The following PTPRD variants were observed in gnomAD, a reference collection of about 807,000 sequenced individuals.
PTPRD encodes receptor-type tyrosine-protein phosphatase delta.
Under a neutral mutation model 214.5 loss-of-function variants are expected in PTPRD, and 34 were observed. The observed-to-expected ratio is 0.16, with a 90% CI of 0.12 to 0.21. PTPRD has a LOEUF of 0.21. Among genes scored for constraint, PTPRD ranks in the 10% least tolerant of loss-of-function variants. PTPRD has a pLI of 1.00. For missense variants in PTPRD, 2,545 were observed against 2,398.7 expected (o/e 1.06, Z -1.27); for synonymous variants, 1,128 against 845.7 (o/e 1.33, Z -5.79).
intron 39 of PTPRD, 54 bp downstream of exon 39, chr9:8,375,882 G>T (rs776079309): frequency 3.8e-6 from 6 of 1,570,484 alleles, no homozygotes; most frequent in Non-Finnish European, 3.5e-6. Context: ...AACATCCAAT[G>T]AGAGTCAATT....
intron 8 of PTPRD, among the ~76,000 whole-genome samples, chr9:9,469,659 A>G (rs533496086): frequency 1.1e-4 from 16 of 152,350 alleles, no homozygotes; most frequent in African/African-American, 3.8e-4. Flanking sequence ...GTGGATGTGC[A>G]GTAGAGAAAA....
At chr9:9,725,827 T>C (rs1289441181) in intron 7 of PTPRD, among the ~76,000 whole-genome samples, 1 of 152,176 alleles carries the variant, frequency 6.6e-6, no homozygotes, top group African/African-American at 2.4e-5. Context: ...AAGAGAATTC[T>C]TCTTTCAAGA....
intron 3 of PTPRD, among the ~76,000 whole-genome samples, chr9:10,313,785 A>T (rs1214696398): frequency 6.6e-6 from 1 of 151,962 alleles, no homozygotes; most frequent in Non-Finnish European, 1.5e-5. Flanking sequence ...TAGCTAAACT[A>T]ACACCGCCTG....
At chr9:10,133,155 C>A (rs768839178) in intron 3 of PTPRD, among the ~76,000 whole-genome samples, 2 of 152,110 alleles carry the variant, frequency 1.3e-5, no homozygotes, top group Non-Finnish European at 2.9e-5. Flanking sequence ...AGTTGATAAC[C>A]TAGAACATGT....
chr9:9,861,038 A>G (rs575940001), intron 5 of PTPRD, among the ~76,000 whole-genome samples: 1 of 152,170 alleles, frequency 6.6e-6, no homozygotes, highest in South Asian at 2.1e-4. Flanking sequence ...TTAGGCAATT[A>G]TTTTTTAAAA....
intron 5 of PTPRD, among the ~76,000 whole-genome samples, chr9:9,879,346 A>T (rs1220277544): frequency 6.6e-6 from 1 of 152,076 alleles, no homozygotes; most frequent in African/African-American, 2.4e-5. Flanking sequence ...CTTCACTCCC[A>T]CTTGTGATGA....
At chr9:9,250,446 G>A (rs2099975017) in intron 9 of PTPRD, among the ~76,000 whole-genome samples, 2 of 152,062 alleles carry the variant, frequency 1.3e-5, no homozygotes, top group African/African-American at 4.8e-5. Context: ...ATAGTTAGGT[G>A]AGACAAGGAA....
At chr9:9,942,753 TTGTG>T (rs760150853) in intron 4 of PTPRD, among the ~76,000 whole-genome samples, 36 of 152,158 alleles carry the variant, frequency 2.4e-4, no homozygotes, top group Non-Finnish European at 4.4e-4. Context: ...TTAAAGACAT[TTGTG>T]TGTATTTTTC....
At chr9:10,206,833 A>T (rs1389076133) in intron 3 of PTPRD, among the ~76,000 whole-genome samples, 1 of 152,162 alleles carries the variant, frequency 6.6e-6, no homozygotes, top group Non-Finnish European at 1.5e-5. Flanking sequence ...AAGTAACAGG[A>T]ATAGAAAAAT....
intron 3 of PTPRD, among the ~76,000 whole-genome samples, chr9:10,167,955 T>C (rs1361065142): frequency 6.6e-6 from 1 of 152,208 alleles, no homozygotes; most frequent in Non-Finnish European, 1.5e-5. Context: ...CATTGCAACT[T>C]GAGTTTCAAT....
chr9:9,376,905 G>A (rs965096606), intron 9 of PTPRD, among the ~76,000 whole-genome samples: 3 of 151,460 alleles, frequency 2.0e-5, no homozygotes, highest in Non-Finnish European at 4.4e-5. Context: ...TAGACACTAA[G>A]AAAATTCCAA....
chr9:10,210,646 T>TAAAC (rs1289210682), intron 3 of PTPRD, among the ~76,000 whole-genome samples: 2 of 150,342 alleles, frequency 1.3e-5, no homozygotes, highest in Non-Finnish European at 3.0e-5. Context: ...TATATACATA[T>TAAAC]ATATACACAC....
intron 7 of PTPRD, among the ~76,000 whole-genome samples, chr9:9,594,312 T>C (rs993398327): frequency 1.3e-5 from 2 of 152,042 alleles, no homozygotes; most frequent in Non-Finnish European, 2.9e-5. Flanking sequence ...TCTTATGGCA[T>C]TTGCTTTTGG....
At chr9:9,989,430 G>C (rs2095837256) in intron 4 of PTPRD, among the ~76,000 whole-genome samples, 2 of 152,256 alleles carry the variant, frequency 1.3e-5, no homozygotes, top group Non-Finnish European at 1.5e-5. Context: ...GAAGCAGCTG[G>C]ATGTTGGAGA....
chr9:9,450,614 T>C (rs1328221819), intron 8 of PTPRD, among the ~76,000 whole-genome samples: 1 of 151,892 alleles, frequency 6.6e-6, no homozygotes, highest in African/African-American at 2.4e-5. Flanking sequence ...TCTGATTCAG[T>C]AAATATAGCA....
intron 43 of PTPRD, among the ~76,000 whole-genome samples, chr9:8,332,194 A>AATATTTAT (rs1842134793): frequency 6.6e-6 from 1 of 152,130 alleles, no homozygotes; most frequent in Non-Finnish European, 1.5e-5. Flanking sequence ...TAGGCATGTC[A>AATATTTAT]TCCAGACCAG....
intron 5 of PTPRD, among the ~76,000 whole-genome samples, chr9:9,768,556 CA>C (rs2098725059): frequency 6.6e-6 from 1 of 151,886 alleles, no homozygotes; most frequent in African/African-American, 2.4e-5. Flanking sequence ...TCAGAGAAAT[CA>C]AAGTAAAAAT....
chr9:8,654,939 A>C (rs1376671260), intron 12 of PTPRD, among the ~76,000 whole-genome samples: 2 of 152,142 alleles, frequency 1.3e-5, no homozygotes, highest in East Asian at 1.9e-4. Context: ...TAGCATCTTC[A>C]TCAATCTTTC....
chr9:10,556,861 A>G (rs552866558), intron 2 of PTPRD, among the ~76,000 whole-genome samples: 1 of 152,296 alleles, frequency 6.6e-6, no homozygotes, highest in Admixed American at 6.5e-5. Flanking sequence ...GTGATTTGCT[A>G]TCCAATACAA....
Sources: allele counts gnomAD v4.1 joint callset (sites outside exome capture counted in the v4.1 genomes callset), GRCh38; gene constraint gnomAD v4.1.1; transcripts MANE v1.5; gene names NCBI Gene and HGNC (gene_info 2026-07-23, HGNC 2026-07-21).